CCN6: variants seen among roughly 807,000 people sequenced by gnomAD.
CCN6 encodes the protein cellular communication network factor 6, also known as CCN family member 6.
CCN6 carries 31 observed loss-of-function variants against 37.4 expected under a neutral mutation model. The observed-to-expected ratio is 0.83, with a 90% CI of 0.62 to 1.12. The LOEUF is 1.12. Ranked by LOEUF, CCN6 falls within the 50% of genes most tolerant of loss-of-function variation. The probability of loss-of-function intolerance (pLI) is 0.00; values close to 1 mark genes in which losing one functional copy is unlikely to be tolerated. For missense variants in CCN6, 369 were observed against 413.8 expected (o/e 0.89, Z 0.94); for synonymous variants, 137 against 142.1 (o/e 0.96, Z 0.26).
At chr6:112,061,420 T>A in intron 2 of CCN6, 132 bp downstream of exon 2, 2 of 1,096,220 alleles carry the variant, frequency 1.8e-6, no homozygotes, top group Non-Finnish European at 2.7e-6. Flanking sequence ...CATGCACCAG[T>A]GGGACTGGCT....
In CCN6 at chr6:112,061,215, C is replaced by T. The variant is rs1554312795; in HGVS notation, c.273C>T (p.Leu91=). ...GGGAAATCTGCAATGAAGCTGACCT[C>T]TGTGACCCACACAAAGGGCTGTATT... ...QPGEICNEAD[L]CDPHKGLYCD... The change falls in exon 2 of 5, where the codon CTC becomes CTT. Residue 91 remains leucine (L), a synonymous_variant. Transcript: ENST00000368666. 1 of 1,614,216 alleles carries T rather than the reference C, an allele frequency of 6.2e-7. No individual in the cohort carries two copies. The highest frequency in any genetic ancestry group is 2.2e-5 in the East Asian group (1 of 44,892).
intron 1 of CCN6, 44 bp from the exon 2 acceptor site, chr6:112,060,947 C>T (rs782611559): frequency 1.2e-6 from 2 of 1,609,508 alleles, no homozygotes; most frequent in Non-Finnish European, 1.7e-6. Flanking sequence ...TATACTATTA[C>T]ATAGAGAAGC....
rs1776289424 is a variant in CCN6 at position 112,054,585 on chromosome 6, G to A, written c.48+180G>A. ...AATAAAGTTCTGTGTTCGTTCATGAGCTTCATGAAAGAAATGTAAAACATT... is the reference window on the plus strand; with the variant it reads ...AATAAAGTTCTGTGTTCGTTCATGAACTTCATGAAAGAAATGTAAAACATT... On this transcript the variant is annotated intron_variant, in intron 1 of 4. Transcript: ENST00000368666. 1.2e-5 allele frequency: 8 copies of A among 640,766 alleles called. No individual in the cohort carries two copies. In the Admixed American group the frequency reaches 1.7e-4, roughly 14 times the overall value. The allele number at this position is 640,766 out of a possible 1,614,324, so 39.7% of individuals were successfully genotyped here.
At chr6:112,063,639 T>A (rs782295667) in intron 2 of CCN6, among the ~76,000 whole-genome samples, 2 of 152,252 alleles carry the variant, frequency 1.3e-5, no homozygotes, top group African/African-American at 2.4e-5. Context: ...CTTGAAATCT[T>A]GAATTCTCGC....
In CCN6 at chr6:112,069,653, C is replaced by G; in HGVS notation, c.*33C>G. 1 of 1,611,996 alleles carries G rather than the reference C, an allele frequency of 6.2e-7. No homozygotes were observed. The highest frequency in any genetic ancestry group is 8.5e-7 in the Non-Finnish European group (1 of 1,178,992). On this transcript the variant is annotated 3_prime_UTR_variant, in exon 5 of 5. Transcript: ENST00000368666. The stretch of plus-strand genomic sequence containing the variant: ...CAAATGGGGGAAAAGTTAGTCAATC[C>G]TGTCATATAATAAAAAAATTAGTGA...
At chr6:112,065,601 A>ACACGCGC (rs1562597599) in intron 3 of CCN6, among the ~76,000 whole-genome samples, 13 of 144,104 alleles carry the variant, frequency 9.0e-5, no homozygotes, top group African/African-American at 3.3e-4. Flanking sequence ...CACACACACA[A>ACACGCGC]ACACACACGC....
chr6:112,062,028 C>A (rs185204754), intron 2 of CCN6, among the ~76,000 whole-genome samples: 308 of 152,280 alleles, frequency 2.0e-3, no homozygotes, highest in Admixed American at 4.3e-3. Context: ...TGAGAGCCTA[C>A]CTTTGGAGTC....
At chr6:112,059,392 G>A (rs1776442003) in intron 1 of CCN6, among the ~76,000 whole-genome samples, 1 of 152,194 alleles carries the variant, frequency 6.6e-6, no homozygotes, top group African/African-American at 2.4e-5. Context: ...TCTGGAGGTG[G>A]CAGGGGAGAA....
At chr6:112,060,968 A>T in intron 1 of CCN6, 23 bp from the exon 2 acceptor site, 1 of 1,613,578 alleles carries the variant, frequency 6.2e-7, no homozygotes, top group Non-Finnish European at 8.5e-7. Flanking sequence ...TATTTCTAAC[A>T]TCACCTTTAT....
At position 112,064,825 on chromosome 6, in the gene CCN6, C is replaced by T. The variant is rs1776630666; in HGVS notation, c.417C>T (p.Pro139=). The T allele has an allele frequency of 1.9e-6, 3 of 1,613,988 alleles. No homozygotes were observed. Among genetic ancestry groups the T allele is most frequent in the African/African-American group, 1.3e-5 (1 of 74,924 alleles). The change falls in exon 3 of 5, where the codon CCC becomes CCT. Residue 139 remains proline (P), a synonymous_variant. Transcript: ENST00000368666. ...YHNGQVFQPN[P]LFSCLCVSGA... ...ATGGCCAAGTGTTTCAGCCCAACCC[C>T]TTGTTCAGCTGCCTCTGTGTGAGTG...
chr6:112,057,066 T>C lies in CCN6; in HGVS notation c.48+2661T>C, dbSNP rs1004394857. On this transcript the variant is annotated intron_variant, in intron 1 of 4. Coordinates refer to ENST00000368666, the MANE Select transcript of CCN6 (RefSeq NM_198239.2). ...GAGATTATCTGGAAATGCTTCAAAA[T>C]TGGAAAGTTAAAGAGGCATCCGGGG... 2.6e-4 allele frequency among the ~76,000 whole-genome samples: 39 copies of C among 152,306 alleles called. 1 individual carries two copies. The highest frequency in any genetic ancestry group is 4.6e-4 in the African/African-American group (19 of 41,560).
rs782423661 is a variant in CCN6 at position 112,054,400 on chromosome 6, G to A, written c.43G>A (p.Ala15Thr). The A allele has an allele frequency of 6.2e-6, 10 of 1,612,964 alleles. No homozygotes were observed. The highest frequency in any genetic ancestry group is 5.0e-5 in the Admixed American group (3 of 59,912). ...LFSTLLLAGL[A>T]QFCCRVQGTG... The stretch of plus-strand genomic sequence containing the variant: ...CTCCACTCTTCTGCTTGCTGGCCTG[G>A]CACAGGTAAGTCCTCTCCCCCGACT... The change falls in exon 1 of 5, where the codon GCA becomes ACA. Residue 15 changes from alanine (A) to threonine (T), a missense_variant. By Grantham distance (58) the Ala-to-Thr change is moderately conservative. Transcript: ENST00000368666.
At position 112,064,780 on chromosome 6, in the gene CCN6, C is replaced by T. The variant is rs1554313542; in HGVS notation, c.372C>T (p.Phe124=). 1 of 1,614,042 alleles carries T rather than the reference C, an allele frequency of 6.2e-7. No homozygotes were observed. The highest frequency in any genetic ancestry group is 1.1e-5 in the South Asian group (1 of 91,080). The part of the protein sequence containing the change: ...CAYLVAVGCE[F]NQVHYHNGQV... ...ACCTTGTAGCTGTTGGGTGCGAGTT[C>T]AACCAGGTACATTATCATAATGGCC... is the stretch of plus-strand genomic sequence containing the variant. The change falls in exon 3 of 5, where the codon TTC becomes TTT. Residue 124 remains phenylalanine (F), a synonymous_variant. Coordinates refer to ENST00000368666, the MANE Select transcript of CCN6 (RefSeq NM_198239.2).
At chr6:112,055,576 G>A (rs1776323496) in intron 1 of CCN6, among the ~76,000 whole-genome samples, 1 of 146,214 alleles carries the variant, frequency 6.8e-6, no homozygotes, top group African/African-American at 2.8e-5. Flanking sequence ...ACTGTGCTGG[G>A]TGCTTTATTT....
At chr6:112,055,842 G>A (rs1188983923) in intron 1 of CCN6, among the ~76,000 whole-genome samples, 5 of 152,212 alleles carry the variant, frequency 3.3e-5, no homozygotes, top group Admixed American at 6.5e-5. Context: ...CGCCCACCTC[G>A]GCCTCCCAAA....
chr6:112,057,358 A>G (rs1251191507), intron 1 of CCN6, among the ~76,000 whole-genome samples: 1 of 152,230 alleles, frequency 6.6e-6, no homozygotes, highest in Non-Finnish European at 1.5e-5. Context: ...CAGGAGCAAC[A>G]TAGTAGATGC....
chr6:112,066,745 C>G (rs1776706775), intron 3 of CCN6, among the ~76,000 whole-genome samples: 2 of 152,114 alleles, frequency 1.3e-5, no homozygotes, highest in African/African-American at 4.8e-5. Context: ...TGGAATCTAG[C>G]TTTTGCTAGG....
chr6:112,065,107 G>A (rs191974194), intron 3 of CCN6, 110 bp downstream of exon 3: 239 of 1,528,466 alleles, frequency 1.6e-4, no homozygotes, highest in Admixed American at 7.2e-4. Context: ...TGGTCAGAGT[G>A]AGATATAGTT....
intron 2 of CCN6, among the ~76,000 whole-genome samples, chr6:112,063,856 A>C (rs112929880): frequency 0.021 from 3,273 of 152,330 alleles, 115 homozygotes; most frequent in African/African-American, 0.076. Context: ...CTGAGAGAGC[A>C]GTTTGCTGAA....
Sources: allele counts gnomAD v4.1 joint callset (sites outside exome capture counted in the v4.1 genomes callset), GRCh38; gene constraint gnomAD v4.1.1; transcripts MANE v1.5; gene names NCBI Gene and HGNC (gene_info 2026-07-23, HGNC 2026-07-21).